FRMD4A: variants seen among roughly 807,000 people sequenced by gnomAD.
FRMD4A encodes FERM domain-containing protein 4A.
Under a neutral mutation model 129.1 loss-of-function variants are expected in FRMD4A, and 29 were observed. That is an observed-to-expected ratio of 0.22 (90% confidence interval 0.17 to 0.31). The LOEUF (loss-of-function observed/expected upper bound fraction) is 0.31, where lower values mean the gene tolerates loss of function less well. Among genes scored for constraint, FRMD4A ranks in the 10% least tolerant of loss-of-function variants. The pLI, the probability that FRMD4A is intolerant of heterozygous loss-of-function variation, is 1.00. For synonymous variants in FRMD4A, 634 were observed against 571.6 expected, an observed-to-expected ratio of 1.11 and a Z score of -1.56; for missense variants, 1,272 against 1,375.8, an observed-to-expected ratio of 0.92 and a Z score of 1.19.
At chr10:13,868,534 G>A (rs1391745215) in intron 2 of FRMD4A, among the ~76,000 whole-genome samples, 3 of 152,072 alleles carry the variant, frequency 2.0e-5, no homozygotes, top group Non-Finnish European at 2.9e-5. Flanking sequence ...CAGGCACGGC[G>A]GCTCACTACT....
chr10:14,090,104 A>G (rs1836573909), intron 2 of FRMD4A, among the ~76,000 whole-genome samples: 1 of 152,210 alleles, frequency 6.6e-6, no homozygotes, highest in African/African-American at 2.4e-5. Context: ...TATTTATAGC[A>G]GGGATCTAGA....
At chr10:14,176,466 CTTTTTTTT>C (rs35347674) in intron 2 of FRMD4A, among the ~76,000 whole-genome samples, 7 of 72,832 alleles carry the variant, frequency 9.6e-5, no homozygotes, top group African/African-American at 1.0e-4. Context: ...TCACCTCCAT[CTTTTTTTT>C]TTTTTTTTTT....
At chr10:14,206,715 G>A (rs1289451061) in intron 2 of FRMD4A, among the ~76,000 whole-genome samples, 2 of 145,544 alleles carry the variant, frequency 1.4e-5, no homozygotes, top group Non-Finnish European at 3.0e-5. Context: ...GCTGAGGCTC[G>A]AGAATCACTT....
chr10:13,685,694 C>T, intron 15 of FRMD4A: 1 of 960,676 alleles, frequency 1.0e-6, no homozygotes, highest in Non-Finnish European at 1.2e-6. Context: ...CACAGTCCTA[C>T]CCAGTCAGGA....
intron 4 of FRMD4A, among the ~76,000 whole-genome samples, chr10:13,804,078 T>C (rs2130854368): frequency 6.6e-6 from 1 of 152,304 alleles, no homozygotes; most frequent in Non-Finnish European, 1.5e-5. Context: ...TAAGGTACTG[T>C]TGTATGTTTG....
chr10:13,802,382 T>C (rs1391805292), intron 4 of FRMD4A, among the ~76,000 whole-genome samples: 1 of 152,164 alleles, frequency 6.6e-6, no homozygotes, highest in African/African-American at 2.4e-5. Flanking sequence ...TTCTAGATGT[T>C]TTTATTGTAG....
chr10:13,734,834 CTTTTTCTATTTA>C (rs1180709912), intron 12 of FRMD4A, among the ~76,000 whole-genome samples: 45 of 143,184 alleles, frequency 3.1e-4, no homozygotes, highest in African/African-American at 1.1e-3. Context: ...TTTTCTTCTT[CTTTTTCTATTTA>C]TTTATTTATT....
chr10:13,982,882 T>C (rs865923024), intron 2 of FRMD4A, among the ~76,000 whole-genome samples: 4 of 152,352 alleles, frequency 2.6e-5, no homozygotes, highest in Admixed American at 2.6e-4. Flanking sequence ...AGGCAAAGAT[T>C]TCTCCTCGCC....
At chr10:14,039,389 TCCATCCATCC>T (rs1833666090) in intron 2 of FRMD4A, among the ~76,000 whole-genome samples, 2 of 136,930 alleles carry the variant, frequency 1.5e-5, no homozygotes, top group African/African-American at 5.7e-5. Context: ...CATCCATCCA[TCCATCCATCC>T]ATCCATCCAT....
At chr10:14,241,453 T>G (rs1844037414) in intron 2 of FRMD4A, among the ~76,000 whole-genome samples, 1 of 152,034 alleles carries the variant, frequency 6.6e-6, no homozygotes, top group South Asian at 2.1e-4. Flanking sequence ...TATTCAACAC[T>G]AAGATTTCCA....
At chr10:13,902,242 T>G (rs926359066) in intron 2 of FRMD4A, among the ~76,000 whole-genome samples, 1 of 152,136 alleles carries the variant, frequency 6.6e-6, no homozygotes, top group Non-Finnish European at 1.5e-5. Context: ...CAGGCTGGTC[T>G]TGAACTCAAG....
intron 2 of FRMD4A, among the ~76,000 whole-genome samples, chr10:14,155,322 G>A (rs1054376365): frequency 6.6e-6 from 1 of 152,176 alleles, no homozygotes; most frequent in Non-Finnish European, 1.5e-5. Flanking sequence ...AGATTCTTGT[G>A]TTGAAAATAT....
intron 2 of FRMD4A, among the ~76,000 whole-genome samples, chr10:13,873,181 A>T (rs2094455871): frequency 3.4e-5 from 1 of 29,446 alleles, no homozygotes; most frequent in African/African-American, 9.6e-5. Flanking sequence ...TGTCTCAAAA[A>T]AAATAAAATA....
intron 2 of FRMD4A, among the ~76,000 whole-genome samples, chr10:14,185,406 C>A (rs991137710): frequency 1.3e-5 from 2 of 152,166 alleles, no homozygotes; most frequent in African/African-American, 4.8e-5. Context: ...AAAAAATCTA[C>A]CACCCTAAGC....
chr10:14,126,315 C>A (rs1158587054), intron 2 of FRMD4A, among the ~76,000 whole-genome samples: 1 of 151,970 alleles, frequency 6.6e-6, no homozygotes, highest in Non-Finnish European at 1.5e-5. Context: ...GGACTACAGG[C>A]GTGCTCCATG....
At chr10:13,682,338 T>C (rs2084669305) in intron 15 of FRMD4A, among the ~76,000 whole-genome samples, 2 of 152,108 alleles carry the variant, frequency 1.3e-5, no homozygotes, top group Admixed American at 1.3e-4. Flanking sequence ...AAACGTAGAA[T>C]GCTTGCAGAT....
intron 2 of FRMD4A, among the ~76,000 whole-genome samples, chr10:14,320,116 G>A (rs549822588): frequency 6.6e-6 from 1 of 151,886 alleles, no homozygotes; most frequent in Non-Finnish European, 1.5e-5. Context: ...TCATGCAATT[G>A]CCTCTAAACT....
At chr10:13,841,364 T>C (rs1470054393) in intron 3 of FRMD4A, among the ~76,000 whole-genome samples, 1 of 152,188 alleles carries the variant, frequency 6.6e-6, no homozygotes, top group Non-Finnish European at 1.5e-5. Context: ...TCACGAACCC[T>C]TTGGATCACC....
intron 2 of FRMD4A, among the ~76,000 whole-genome samples, chr10:14,288,670 T>C (rs1362223994): frequency 1.3e-5 from 2 of 152,234 alleles, no homozygotes; most frequent in Admixed American, 1.3e-4. Flanking sequence ...TATTTTTAAT[T>C]GTTAACAATA....
Sources: gnomAD v4.1 joint callset for allele counts (sites outside exome capture counted in the v4.1 genomes callset) on GRCh38, gnomAD v4.1.1 for gene constraint, MANE v1.5 for transcripts, NCBI Gene and HGNC (gene_info 2026-07-23, HGNC 2026-07-21) for gene names.